PRELID2: variants seen among roughly 807,000 people sequenced by gnomAD.
PRELID2 encodes the protein PRELI domain-containing protein 2.
In PRELID2, 25 loss-of-function variants were observed where a neutral mutation model predicts 28.4. The ratio of observed to expected loss-of-function variants is 0.88; its 90% confidence interval spans 0.64 to 1.23. PRELID2 has a LOEUF of 1.23. PRELID2 is among the 50% of genes most tolerant of loss of function. PRELID2 has a pLI of 0.00. For missense variants in PRELID2, 201 were observed against 214.4 expected, an observed-to-expected ratio of 0.94 and a Z score of 0.39; for synonymous variants, 76 against 71.6, an observed-to-expected ratio of 1.06 and a Z score of -0.31.
chr5:145,412,599 T>C, the PRELID2 span, among the ~76,000 whole-genome samples: 2 of 152,194 alleles, frequency 1.3e-5, no homozygotes, highest in African/African-American at 2.4e-5. Context: ...CCTTCTCACA[T>C]TTTTCTGTCT....
At chr5:145,748,029 A>G (rs1425675304) in intron 1 of PRELID2, among the ~76,000 whole-genome samples, 1 of 152,212 alleles carries the variant, frequency 6.6e-6, no homozygotes, top group African/African-American at 2.4e-5. Flanking sequence ...AGAGCCATTT[A>G]TGACAAACCC....
chr5:145,526,200 A>G (rs1231872873), intron 1 of PRELID2, among the ~76,000 whole-genome samples: 1 of 152,214 alleles, frequency 6.6e-6, no homozygotes, highest in African/African-American at 2.4e-5. Flanking sequence ...TTACAAACGT[A>G]GAAACCAAAA....
the PRELID2 span, among the ~76,000 whole-genome samples, chr5:145,304,947 C>T: frequency 1.3e-4 from 20 of 152,168 alleles, no homozygotes; most frequent in South Asian, 4.1e-4. Flanking sequence ...ATTTGTCGAA[C>T]GAATAAATGA....
chr5:145,289,224 A>G, the PRELID2 span, among the ~76,000 whole-genome samples: 2 of 152,036 alleles, frequency 1.3e-5, no homozygotes, highest in Admixed American at 6.6e-5. Flanking sequence ...TCATATATCT[A>G]CTACTACAGG....
At chr5:145,598,874 A>C (rs558650255) in intron 1 of PRELID2, among the ~76,000 whole-genome samples, 2 of 152,228 alleles carry the variant, frequency 1.3e-5, no homozygotes, top group African/African-American at 2.4e-5. Flanking sequence ...ATGGTAAGAA[A>C]GAGTTTGCTA....
chr5:145,242,277 C>T, the PRELID2 span, among the ~76,000 whole-genome samples: 20 of 151,950 alleles, frequency 1.3e-4, no homozygotes, highest in African/African-American at 4.8e-4. Context: ...GAACTTCCAA[C>T]TGAAACTAGC....
At chr5:145,680,362 T>A (rs1196119276) in intron 1 of PRELID2, among the ~76,000 whole-genome samples, 1 of 152,160 alleles carries the variant, frequency 6.6e-6, no homozygotes, top group Non-Finnish European at 1.5e-5. Context: ...CTGTGCCCCC[T>A]AGGGGCTGGG....
chr5:145,327,913 C>G, the PRELID2 span, among the ~76,000 whole-genome samples: 3 of 152,062 alleles, frequency 2.0e-5, no homozygotes, highest in Non-Finnish European at 4.4e-5. Context: ...AGGTATTACT[C>G]CTAATGCTAT....
chr5:145,714,929 C>T (rs1347003164), intron 1 of PRELID2, among the ~76,000 whole-genome samples: 1 of 152,122 alleles, frequency 6.6e-6, no homozygotes, highest in African/African-American at 2.4e-5. Flanking sequence ...GGGCCTCTTT[C>T]TCTATTTTAC....
At chr5:145,296,068 A>T in the PRELID2 span, among the ~76,000 whole-genome samples, 1 of 152,132 alleles carries the variant, frequency 6.6e-6, no homozygotes, top group South Asian at 2.1e-4. Context: ...TCTCAGTGAC[A>T]ACAGAAGAAA....
chr5:145,690,619 G>T (rs1755129449), intron 1 of PRELID2, among the ~76,000 whole-genome samples: 1 of 152,300 alleles, frequency 6.6e-6, no homozygotes, highest in South Asian at 2.1e-4. Context: ...GTCATTTGAG[G>T]TCCAAGCTGT....
At chr5:145,419,768 C>T in the PRELID2 span, among the ~76,000 whole-genome samples, 1 of 152,030 alleles carries the variant, frequency 6.6e-6, no homozygotes, top group South Asian at 2.1e-4. Context: ...TCTTTTGTTA[C>T]CATTGCTTTT....
intron 1 of PRELID2, among the ~76,000 whole-genome samples, chr5:145,646,110 A>G (rs972725970): frequency 1.3e-5 from 2 of 152,186 alleles, no homozygotes; most frequent in African/African-American, 4.8e-5. Context: ...TCTCCTGGAT[A>G]ATATCCTGAA....
chr5:145,617,269 TATTAA>T (rs1291073421), intron 1 of PRELID2, among the ~76,000 whole-genome samples: 63 of 152,328 alleles, frequency 4.1e-4, no homozygotes, highest in Non-Finnish European at 7.1e-4. Context: ...AGGATTAAGA[TATTAA>T]AGTAAAGACA....
At chr5:145,350,671 A>G in the PRELID2 span, among the ~76,000 whole-genome samples, 2 of 152,194 alleles carry the variant, frequency 1.3e-5, no homozygotes, top group Admixed American at 1.3e-4. Flanking sequence ...TGCACAATTT[A>G]TGGCAAACTG....
chr5:145,288,245 C>T, the PRELID2 span, among the ~76,000 whole-genome samples: 1 of 152,068 alleles, frequency 6.6e-6, no homozygotes, highest in Non-Finnish European at 1.5e-5. Flanking sequence ...TGTGGATTCA[C>T]CCCCAATAGA....
intron 4 of PRELID2, among the ~76,000 whole-genome samples, chr5:145,799,984 TAAA>T (rs1286644697): frequency 6.6e-6 from 1 of 152,122 alleles, no homozygotes; most frequent in Admixed American, 6.6e-5. Flanking sequence ...TTCTTTGTAA[TAAA>T]AAATATTCAA....
intron 1 of PRELID2, among the ~76,000 whole-genome samples, chr5:145,496,574 C>G (rs369841560): frequency 5.9e-5 from 9 of 152,098 alleles, no homozygotes; most frequent in African/African-American, 2.2e-4. Flanking sequence ...TGGACTACAC[C>G]CAGCCAATGA....
intron 1 of PRELID2, among the ~76,000 whole-genome samples, chr5:145,602,296 G>T (rs960674839): frequency 2.6e-5 from 4 of 152,190 alleles, no homozygotes; most frequent in African/African-American, 9.6e-5. Context: ...CTTTTACTTT[G>T]TGCTAGCATC....
Sources: allele counts gnomAD v4.1 joint callset (sites outside exome capture counted in the v4.1 genomes callset), GRCh38; gene constraint gnomAD v4.1.1; transcripts MANE v1.5; gene names NCBI Gene and HGNC (gene_info 2026-07-23, HGNC 2026-07-21).